The following GRM1 variants were observed in gnomAD, a reference collection of about 807,000 sequenced individuals.
GRM1 encodes the protein glutamate metabotropic receptor 1.
GRM1 carries 33 observed loss-of-function variants against 90.9 expected under a neutral mutation model. The observed-to-expected ratio is 0.36, with a 90% CI of 0.28 to 0.49. The LOEUF is 0.49. GRM1 is among the 20% of genes least tolerant of loss of function. The probability of loss-of-function intolerance (pLI) is 0.99; values close to 1 mark genes in which losing one functional copy is unlikely to be tolerated. For missense variants in GRM1, 1,190 were observed against 1,534.3 expected (o/e 0.78, Z 3.75); for synonymous variants, 700 against 613.2 (o/e 1.14, Z -2.09).
chr6:146,434,538 C>T lies in GRM1; in HGVS notation c.3327C>T (p.Tyr1109=). 6.2e-7 allele frequency: 1 copy of T among 1,614,132 alleles called. No individual in the cohort carries two copies. Among genetic ancestry groups the T allele is most frequent in the South Asian group, 1.1e-5 (1 of 91,076 alleles). Residue 1109 remains tyrosine (Y), a synonymous_variant, in exon 8 of 8, where the codon TAC becomes TAT. Coordinates refer to ENST00000282753, the MANE Select transcript of GRM1 (RefSeq NM_001278064.2). ...AGAGGTTTAAGCTCCTCCAGGAGTA[C>T]GTGTATGAGCACGAGCGGGAAGGGA... is the stretch of plus-strand genomic sequence containing the variant. The part of the protein sequence containing the change: ...DSERFKLLQE[Y]VYEHEREGNT...
intron 5 of GRM1, among the ~76,000 whole-genome samples, chr6:146,382,435 T>G (rs1462888592): frequency 6.6e-6 from 1 of 152,068 alleles, no homozygotes; most frequent in African/African-American, 2.4e-5. Context: ...ATATTTTTGT[T>G]GATTAAGAGT....
At chr6:146,417,247 C>G (rs1777820792) in intron 7 of GRM1, among the ~76,000 whole-genome samples, 1 of 152,180 alleles carries the variant, frequency 6.6e-6, no homozygotes, top group Admixed American at 6.5e-5. Flanking sequence ...CATTCTGGTG[C>G]TGTGACAGCT....
chr6:146,217,832 T>A (rs565726794), intron 2 of GRM1, among the ~76,000 whole-genome samples: 8 of 139,222 alleles, frequency 5.7e-5, no homozygotes, highest in African/African-American at 2.7e-4. Flanking sequence ...ATTTGCAAGG[T>A]GAAGGCTTCC....
At chr6:146,260,080 T>A (rs1781634111) in intron 2 of GRM1, among the ~76,000 whole-genome samples, 2 of 151,968 alleles carry the variant, frequency 1.3e-5, no homozygotes, top group African/African-American at 4.8e-5. Flanking sequence ...TACATAGGTA[T>A]ACATGTGCCC....
At position 146,350,435 on chromosome 6, in the gene GRM1, G is replaced by A. The variant is rs1170331155; in HGVS notation, c.1187-1815G>A. Among the ~76,000 whole-genome samples, 5 of 150,770 alleles carry A rather than the reference G, an allele frequency of 3.3e-5. No homozygotes were observed. In the South Asian group the frequency reaches 1.0e-3, roughly 32 times the overall value. On this transcript the variant is annotated intron_variant, in intron 3 of 7. Coordinates refer to ENST00000282753, the MANE Select transcript of GRM1 (RefSeq NM_001278064.2). ...TGACAGGACACTTTAAGGGGCTGCT[G>A]TCTTCAAGGTTATTTTGCCACTCAA...
chr6:146,425,748 G>C (rs961983438), intron 7 of GRM1, among the ~76,000 whole-genome samples: 1 of 152,186 alleles, frequency 6.6e-6, no homozygotes, highest in East Asian at 1.9e-4. Flanking sequence ...CAGGCAGCCC[G>C]CTTATGTGGC....
At chr6:146,272,883 T>G (rs1330577714) in intron 2 of GRM1, among the ~76,000 whole-genome samples, 1 of 152,122 alleles carries the variant, frequency 6.6e-6, no homozygotes, top group Non-Finnish European at 1.5e-5. Context: ...AACATAGACA[T>G]TATTCCTAAA....
At chr6:146,034,417 A>C (rs139479002) in intron 1 of GRM1, among the ~76,000 whole-genome samples, 134 of 152,000 alleles carry the variant, frequency 8.8e-4, no homozygotes, top group African/African-American at 3.1e-3. Context: ...TTAACATCCC[A>C]AGGTCTTTTC....
At chr6:146,314,121 C>CA (rs1401803720) in intron 3 of GRM1, among the ~76,000 whole-genome samples, 1 of 114,352 alleles carries the variant, frequency 8.7e-6, no homozygotes, top group African/African-American at 3.4e-5. Context: ...GGCTGGAATG[C>CA]AATAGCTGGA....
intron 3 of GRM1, among the ~76,000 whole-genome samples, chr6:146,322,728 A>G (rs1380520194): frequency 2.6e-5 from 4 of 151,932 alleles, no homozygotes; most frequent in Non-Finnish European, 5.9e-5. Flanking sequence ...CATTAGGTAT[A>G]TCTCCTAATG....
chr6:146,368,287 T>G (rs895408945), intron 5 of GRM1, among the ~76,000 whole-genome samples: 2 of 151,426 alleles, frequency 1.3e-5, no homozygotes, highest in Non-Finnish European at 2.9e-5. Context: ...TCTTTAGATT[T>G]TTCTAAATAG....
At chr6:146,268,612 A>G (rs1375395492) in intron 2 of GRM1, among the ~76,000 whole-genome samples, 2 of 152,198 alleles carry the variant, frequency 1.3e-5, no homozygotes, top group Admixed American at 6.5e-5. Flanking sequence ...AAAATACTCT[A>G]TTAAAATCAT....
chr6:146,354,734 A>T (rs1200620139), intron 4 of GRM1, among the ~76,000 whole-genome samples: 1 of 152,158 alleles, frequency 6.6e-6, no homozygotes, highest in Admixed American at 6.5e-5. Context: ...AACTGAATGC[A>T]TTGAGAGGAT....
Position 146,085,436 on chromosome 6 carries a change from C to T in GRM1, c.700+55219C>T, listed in dbSNP as rs1776508445. Among the ~76,000 whole-genome samples the T allele has an allele frequency of 3.3e-5, 5 of 152,202 alleles. No homozygotes were observed. In the South Asian group the frequency reaches 1.0e-3, roughly 32 times the overall value. On this transcript the variant is annotated intron_variant, in intron 1 of 7. Coordinates refer to ENST00000282753, the MANE Select transcript of GRM1 (RefSeq NM_001278064.2). ...TAAGATGGTATAGACTATTCTTTCA[C>T]ATAATTCTGATTCAAACATGCCTCT... is the stretch of plus-strand genomic sequence containing the variant.
chr6:146,423,152 C>A (rs1420592331), intron 7 of GRM1, among the ~76,000 whole-genome samples: 1 of 152,172 alleles, frequency 6.6e-6, no homozygotes, highest in East Asian at 1.9e-4. Flanking sequence ...AGATTTGGGA[C>A]TTATATTTGA....
intron 2 of GRM1, among the ~76,000 whole-genome samples, chr6:146,213,923 C>G (rs982059185): frequency 6.6e-6 from 1 of 152,072 alleles, no homozygotes; most frequent in Admixed American, 6.6e-5. Flanking sequence ...AGCCTAAGAA[C>G]CTAGGGGGCC....
intron 2 of GRM1, among the ~76,000 whole-genome samples, chr6:146,299,661 C>T (rs1783304686): frequency 1.3e-5 from 2 of 152,170 alleles, no homozygotes; most frequent in African/African-American, 4.8e-5. Flanking sequence ...ATTCCTCAGC[C>T]TCAGGTAATT....
rs2128834572 is a variant in GRM1 at position 146,030,057 on chromosome 6, C to T, written c.540C>T (p.Ile180=). 1 of 1,614,178 alleles carries T rather than the reference C, an allele frequency of 6.2e-7. No homozygotes were observed. Among genetic ancestry groups the T allele is most frequent in the South Asian group, 1.1e-5 (1 of 91,082 alleles). The part of the protein sequence containing the change: ...QVQNLLQLFD[I]PQIAYSATSI... ...AGAACCTGCTCCAGCTCTTCGACATCCCCCAGATCGCTTATTCAGCCACAA... is the reference window on the plus strand; with the variant it reads ...AGAACCTGCTCCAGCTCTTCGACATTCCCCAGATCGCTTATTCAGCCACAA... The change falls in exon 1 of 8, where the codon ATC becomes ATT. Residue 180 remains isoleucine (I), a synonymous_variant. Transcript: ENST00000282753.
intron 2 of GRM1, among the ~76,000 whole-genome samples, chr6:146,189,986 G>A (rs889099606): frequency 6.6e-6 from 1 of 152,186 alleles, no homozygotes; most frequent in African/African-American, 2.4e-5. Context: ...ACTCAAAGAT[G>A]GGAGGGCAGG....
Sources: allele counts gnomAD v4.1 joint callset (sites outside exome capture counted in the v4.1 genomes callset), GRCh38; gene constraint gnomAD v4.1.1; transcripts MANE v1.5; gene names NCBI Gene and HGNC (gene_info 2026-07-23, HGNC 2026-07-21).